The following ABR variants were observed in gnomAD, a reference collection of about 807,000 sequenced individuals.
ABR encodes the protein ABR activator of RhoGEF and GTPase.
A neutral mutation model predicts 107.2 loss-of-function variants in ABR; 35 were observed. The ratio of observed to expected loss-of-function variants is 0.33; its 90% CI spans 0.25 to 0.43. The LOEUF is 0.43. ABR is among the 20% of genes least tolerant of loss of function. The pLI, the probability that ABR is intolerant of heterozygous loss-of-function variation, is 1.00. For synonymous variants in ABR, 498 were observed against 462.0 expected (o/e 1.08, Z -1.00); for missense variants, 815 against 1,115.2 (o/e 0.73, Z 3.83).
intron 16 of ABR, among the ~76,000 whole-genome samples, chr17:1,036,234 C>G (rs1192762427): frequency 6.6e-6 from 1 of 152,158 alleles, no homozygotes; most frequent in East Asian, 1.9e-4. Flanking sequence ...CCAGCTAGAC[C>G]AAGGCCACAG....
intron 1 of ABR, among the ~76,000 whole-genome samples, chr17:1,221,890 G>A (rs2043126381): frequency 6.6e-6 from 1 of 152,158 alleles, no homozygotes; most frequent in Admixed American, 6.6e-5. Context: ...CTGGAGTAGG[G>A]ACAGCGGTAA....
At chr17:1,053,714 T>C (rs568430829) in intron 14 of ABR, among the ~76,000 whole-genome samples, 1 of 151,810 alleles carries the variant, frequency 6.6e-6, no homozygotes, top group Non-Finnish European at 1.5e-5. Flanking sequence ...AAGAGAGATT[T>C]TGGAGCAGCT....
intron 16 of ABR, 88 bp from the exon 17 acceptor site, chr17:1,013,252 C>A (rs1432623072): frequency 5.5e-6 from 7 of 1,284,140 alleles, no homozygotes; most frequent in Non-Finnish European, 6.8e-6. Flanking sequence ...TCAGAGCCAG[C>A]TACACAGTCA....
At chr17:1,057,310 GTGTGTGTGTGT>G (rs2033412381) in intron 12 of ABR, among the ~76,000 whole-genome samples, 1 of 1,796 alleles carries the variant, frequency 5.6e-4, no homozygotes, top group African/African-American at 1.6e-3. Context: ...GAAGAGGTTT[GTGTGTGTGTGT>G]GTGTGTGTGT....
chr17:1,195,571 G>A (rs917782478), intron 1 of ABR, among the ~76,000 whole-genome samples: 14 of 150,690 alleles, frequency 9.3e-5, no homozygotes, highest in Admixed American at 3.3e-4. Flanking sequence ...GTGGGAGGCC[G>A]AGGCGGGTGG....
At chr17:1,081,535 G>C (rs560987748) in intron 5 of ABR, among the ~76,000 whole-genome samples, 2 of 152,300 alleles carry the variant, frequency 1.3e-5, no homozygotes, top group South Asian at 4.1e-4. Flanking sequence ...TGTCCTCATT[G>C]TGGAGAGGGG....
intron 16 of ABR, among the ~76,000 whole-genome samples, chr17:1,021,040 G>A (rs1284750494): frequency 6.6e-6 from 1 of 152,148 alleles, no homozygotes; most frequent in South Asian, 2.1e-4. Context: ...CTTCGGAGAT[G>A]GTTTCCACCA....
intron 4 of ABR, among the ~76,000 whole-genome samples, chr17:1,089,611 G>A (rs368613091): frequency 3.3e-5 from 5 of 152,284 alleles, no homozygotes; most frequent in Middle Eastern, 3.4e-3. Context: ...TCAAGGTCAC[G>A]GTGCATTCAC....
chr17:1,083,280 TTTTTTTG>T, intron 5 of ABR: 1 of 197,272 alleles, frequency 5.1e-6, no homozygotes, highest in South Asian at 1.7e-4. Context: ...TTTTTTTTTT[TTTTTTTG>T]CCTCCCCTGT....
intron 13 of ABR, 44 bp downstream of exon 13, chr17:1,056,954 G>T: frequency 7.0e-7 from 1 of 1,418,526 alleles, no homozygotes; most frequent in South Asian, 1.2e-5. Flanking sequence ...ACGCTCTGAG[G>T]GCTGGGACCT....
intron 1 of ABR, among the ~76,000 whole-genome samples, chr17:1,201,968 C>T (rs1184944765): frequency 6.6e-6 from 1 of 152,156 alleles, no homozygotes; most frequent in East Asian, 1.9e-4. Flanking sequence ...TGAGCCACCG[C>T]GCCCATCCTG....
rs1213612157 is a variant in ABR at position 1,057,305 on chromosome 17, GGTTTGTGTGTGTGTGTGTGTGTGTGTGT to G, written c.1382-231_1382-204del. On this transcript the variant is annotated intron_variant, in intron 12 of 22. Transcript: ENST00000302538. Reference sequence around the variant, plus strand: ...CAGAGTAGGAGAATCTAACTGAAGAGGTTTGTGTGTGTGTGTGTGTGTGTGTGTGTGTGTGTGTGTGTGTGTGTGTGTG... The same window carrying G: ...CAGAGTAGGAGAATCTAACTGAAGAGGTGTGTGTGTGTGTGTGTGTGTGTG... 3.2e-4 allele frequency among the ~76,000 whole-genome samples: 44 copies of G among 136,414 alleles called. 2 individuals carry two copies. Among genetic ancestry groups the G allele is most frequent in the African/African-American group, 8.9e-4 (32 of 36,034 alleles). 89.5% of individuals were successfully genotyped at this position (136,414 alleles called of 152,430 possible). A position where few individuals can be genotyped will look rare whatever the true frequency, so the allele number is the denominator to read the frequency against.
At chr17:1,032,661 C>CAGAGGACGCCACGGGCAA (rs1407110844) in intron 16 of ABR, among the ~76,000 whole-genome samples, 10 of 148,954 alleles carry the variant, frequency 6.7e-5, no homozygotes, top group African/African-American at 1.2e-4. Flanking sequence ...GTGCTGGGCG[C>CAGAGGACGCCACGGGCAA]CTTGAGAGAG....
upstream of ABR, among the ~76,000 whole-genome samples, chr17:1,181,689 T>G (rs528024581): frequency 6.6e-5 from 10 of 152,084 alleles, no homozygotes; most frequent in Non-Finnish European, 1.2e-4. Flanking sequence ...GGAGGAGCCA[T>G]GAGGGGCCAA....
intron 9 of ABR, 114 bp from the exon 10 acceptor site, chr17:1,067,356 A>T: frequency 9.7e-7 from 1 of 1,032,446 alleles, no homozygotes; most frequent in Non-Finnish European, 1.4e-6. Flanking sequence ...AACTCGCCAG[A>T]AGCAAGAACG....
chr17:1,090,363 G>T (rs908669593), intron 4 of ABR, among the ~76,000 whole-genome samples: 1 of 151,884 alleles, frequency 6.6e-6, no homozygotes, highest in Non-Finnish European at 1.5e-5. Flanking sequence ...GGCCGTCGAG[G>T]TTTCAGTGAC....
At chr17:1,055,816 C>G (rs558605860) in intron 14 of ABR, 1 of 526,682 alleles carries the variant, frequency 1.9e-6, no homozygotes, top group Non-Finnish European at 3.4e-6. Context: ...GGTGAGCCAC[C>G]GCGCCCGGCC....
intron 1 of ABR, among the ~76,000 whole-genome samples, chr17:1,171,465 G>A (rs983620547): frequency 3.3e-5 from 5 of 152,140 alleles, no homozygotes; most frequent in Admixed American, 1.3e-4. Flanking sequence ...CAAGCTGCCC[G>A]GAGTGACAAG....
chr17:1,140,106 G>A (rs1226599924), intron 1 of ABR, among the ~76,000 whole-genome samples: 1 of 152,212 alleles, frequency 6.6e-6, no homozygotes, highest in Non-Finnish European at 1.5e-5. Flanking sequence ...GCTGACTGTG[G>A]TGCATGAGAT....
Sources: gnomAD v4.1 joint callset for allele counts (sites outside exome capture counted in the v4.1 genomes callset) on GRCh38, gnomAD v4.1.1 for gene constraint, MANE v1.5 for transcripts, NCBI Gene and HGNC (gene_info 2026-07-23, HGNC 2026-07-21) for gene names.